PRICKLE1: variants seen among roughly 807,000 people sequenced by gnomAD.
PRICKLE1 encodes prickle-like protein 1.
PRICKLE1 carries 14 observed loss-of-function variants against 70.2 expected under a neutral mutation model. That is an observed-to-expected ratio of 0.20 (90% confidence interval 0.13 to 0.31). PRICKLE1 has a LOEUF of 0.31. Among genes scored for constraint, PRICKLE1 ranks in the 10% least tolerant of loss-of-function variants. The pLI, the probability that PRICKLE1 is intolerant of heterozygous loss-of-function variation, is 1.00. For missense variants in PRICKLE1, 821 were observed against 1,026.2 expected (o/e 0.80, Z 2.73); for synonymous variants, 357 against 379.9 (o/e 0.94, Z 0.70).
chr12:42,477,886 T>C (rs1938630804), intron 1 of PRICKLE1, among the ~76,000 whole-genome samples: 1 of 152,264 alleles, frequency 6.6e-6, no homozygotes, highest in South Asian at 2.1e-4. Context: ...AGTAAAACTT[T>C]TTTTATGATG....
chr12:42,569,381 G>T (rs1238752761), intron 1 of PRICKLE1, among the ~76,000 whole-genome samples: 1 of 152,186 alleles, frequency 6.6e-6, no homozygotes, highest in African/African-American at 2.4e-5. Flanking sequence ...GAACAGACAT[G>T]ACTGCTTTTA....
At chr12:42,578,297 G>A (rs1940835518) in intron 1 of PRICKLE1, among the ~76,000 whole-genome samples, 1 of 152,126 alleles carries the variant, frequency 6.6e-6, no homozygotes, top group Non-Finnish European at 1.5e-5. Context: ...TTTAAATCAG[G>A]AGATTGTTTG....
chr12:42,587,417 T>C (rs1941001976), intron 1 of PRICKLE1, among the ~76,000 whole-genome samples: 1 of 152,198 alleles, frequency 6.6e-6, no homozygotes, highest in African/African-American at 2.4e-5. Flanking sequence ...CCATGACTTA[T>C]TAAACTTGGA....
intron 1 of PRICKLE1, chr12:42,550,406 T>C (rs7300057): frequency 0.44 from 67,331 of 152,052 alleles, 15,922 homozygotes; most frequent in East Asian, 0.64. Flanking sequence ...GCAATATCAT[T>C]TGGTTAAAAC....
intron 1 of PRICKLE1, among the ~76,000 whole-genome samples, chr12:42,553,422 C>T (rs558512723): frequency 1.4e-5 from 2 of 143,804 alleles, no homozygotes; most frequent in East Asian, 2.1e-4. Flanking sequence ...CCAGCCTGGG[C>T]AACAGAGCGA....
At chr12:42,500,664 C>CTTTT (rs11448078) in intron 1 of PRICKLE1, among the ~76,000 whole-genome samples, 3,408 of 142,812 alleles carry the variant, frequency 0.024, 163 homozygotes, top group Admixed American at 0.13. Flanking sequence ...CATTAATTTT[C>CTTTT]TTTTTTTTTT....
In PRICKLE1 at chr12:42,460,393, T is replaced by G; in HGVS notation, c.1912A>C (p.Ile638Leu). ...PQQVKFSDDVIDNGNYDIEIR... is the reference protein window; with the variant it reads ...PQQVKFSDDVLDNGNYDIEIR... The stretch of plus-strand genomic sequence containing the variant: ...TCAATGTCATAGTTCCCATTGTCAA[T>G]GACATCATCAGAAAACTTGACCTGC... The change falls in exon 8 of 8, where the codon ATT (isoleucine) becomes CTT (leucine). Residue 638 changes from isoleucine to leucine, a missense_variant. Ile to Leu is a conservative substitution (Grantham distance 5, BLOSUM62 2). Transcript: ENST00000345127. The G allele has an allele frequency of 6.2e-7, 1 of 1,614,152 alleles. No homozygotes were observed.
intron 1 of PRICKLE1, among the ~76,000 whole-genome samples, chr12:42,586,402 T>C (rs1940988287): frequency 6.6e-6 from 1 of 151,942 alleles, no homozygotes; most frequent in African/African-American, 2.4e-5. Context: ...TTTTTTTTTT[T>C]TTTCCCCAGA....
chr12:42,568,417 C>T, intron 1 of PRICKLE1, among the ~76,000 whole-genome samples: 1 of 152,210 alleles, frequency 6.6e-6, no homozygotes, highest in East Asian at 1.9e-4. Context: ...CTCAAGTGAC[C>T]CTCCCACTTG....
chr12:42,581,945 A>C (rs932025800), intron 1 of PRICKLE1, among the ~76,000 whole-genome samples: 5 of 152,156 alleles, frequency 3.3e-5, no homozygotes, highest in African/African-American at 9.7e-5. Flanking sequence ...ACTGCAATGA[A>C]TAATAATTTT....
intron 1 of PRICKLE1, among the ~76,000 whole-genome samples, chr12:42,533,392 G>A (rs562343141): frequency 2.0e-4 from 31 of 152,158 alleles, no homozygotes; most frequent in South Asian, 1.5e-3. Flanking sequence ...TTTGTTCTGC[G>A]TTTCATACCA....
chr12:42,477,175 C>T (rs1938574018), intron 1 of PRICKLE1, among the ~76,000 whole-genome samples: 1 of 151,606 alleles, frequency 6.6e-6, no homozygotes, highest in Non-Finnish European at 1.5e-5. Flanking sequence ...GAGTTTGAGA[C>T]CAACCTGACC....
In PRICKLE1 at chr12:42,456,817, C is replaced by T. The variant is rs2083442286; in HGVS notation, c.*2992G>A. 2 of 152,178 alleles carry T rather than the reference C, an allele frequency of 1.3e-5. No homozygotes were observed. Among genetic ancestry groups the T allele is most frequent in the South Asian group, 4.1e-4 (2 of 4,824 alleles). The allele number at this position is 152,178 out of a possible 1,614,324, so 9.4% of individuals were successfully genotyped here. A position where few individuals can be genotyped will look rare whatever the true frequency, so the allele number is the denominator to read the frequency against. ...TTACAGAACTGTAAGGCAGTTGCTT[C>T]TTTCTTCCGTTGTAGATAGTCTTCT... On this transcript the variant is annotated 3_prime_UTR_variant, in exon 8 of 8. Coordinates refer to ENST00000345127, the MANE Select transcript of PRICKLE1 (RefSeq NM_153026.3).
At chr12:42,477,021 G>A (rs771111650) in intron 1 of PRICKLE1, among the ~76,000 whole-genome samples, 58 of 152,056 alleles carry the variant, frequency 3.8e-4, no homozygotes, top group African/African-American at 7.0e-4. Context: ...TATATCAGTC[G>A]GGTAAAGCAG....
chr12:42,477,483 TATATATA>T, intron 1 of PRICKLE1, among the ~76,000 whole-genome samples: 1 of 604 alleles, frequency 1.7e-3, no homozygotes, highest in South Asian at 0.056. Flanking sequence ...TGTGTGTGTG[TATATATA>T]TATATATATA....
chr12:42,471,496 C>T (rs1433841595), intron 2 of PRICKLE1, among the ~76,000 whole-genome samples: 1 of 152,196 alleles, frequency 6.6e-6, no homozygotes, highest in Non-Finnish European at 1.5e-5. Context: ...TTCACCAGCA[C>T]TCCACCCTCT....
At chr12:42,478,007 C>T (rs1593123566) in intron 1 of PRICKLE1, among the ~76,000 whole-genome samples, 2 of 143,068 alleles carry the variant, frequency 1.4e-5, no homozygotes. Flanking sequence ...CTTTAAACTT[C>T]CAAAAAGTTG....
chr12:42,556,807 G>A (rs558962836), intron 1 of PRICKLE1, among the ~76,000 whole-genome samples: 10 of 152,204 alleles, frequency 6.6e-5, no homozygotes, highest in African/African-American at 2.2e-4. Context: ...AAAGATATGG[G>A]TTTTGCAAAA....
At chr12:42,472,863 A>G (rs545361640) in intron 1 of PRICKLE1, among the ~76,000 whole-genome samples, 31 of 152,328 alleles carry the variant, frequency 2.0e-4, no homozygotes, top group Non-Finnish European at 4.0e-4. Context: ...AAAAGTTCTC[A>G]AGAAAGTTGA....
Sources: gnomAD v4.1 joint callset for allele counts (sites outside exome capture counted in the v4.1 genomes callset) on GRCh38, gnomAD v4.1.1 for gene constraint, MANE v1.5 for transcripts, NCBI Gene and HGNC (gene_info 2026-07-23, HGNC 2026-07-21) for gene names.